Variants in ADARB2 observed in about 807,000 individuals in gnomAD.
ADARB2 encodes inactive double-stranded RNA-specific editase B2.
In ADARB2, 25 loss-of-function variants were observed where a neutral mutation model predicts 62.2. The observed-to-expected ratio is 0.40, with a 90% CI of 0.29 to 0.56. The LOEUF is 0.56. ADARB2 is among the 20% of genes least tolerant of loss of function. ADARB2 has a pLI of 0.43. For synonymous variants in ADARB2, 572 were observed against 500.8 expected (o/e 1.14, Z -1.90); for missense variants, 1,071 against 1,077.4 (o/e 0.99, Z 0.08).
At chr10:1,729,330 C>T (rs1007192327) in intron 1 of ADARB2, among the ~76,000 whole-genome samples, 5 of 152,104 alleles carry the variant, frequency 3.3e-5, no homozygotes, top group Admixed American at 2.0e-4. Flanking sequence ...CTTGTATATA[C>T]TTTACATTTC....
At position 1,332,476 on chromosome 10, in the gene ADARB2, G is replaced by GTTTTTTTTTT. The variant is rs759566790; in HGVS notation, c.1077+30551_1077+30552insAAAAAAAAAA. Among the ~76,000 whole-genome samples, 4 of 130,372 alleles carry GTTTTTTTTTT rather than the reference G, an allele frequency of 3.1e-5. 1 individual carries two copies. The highest frequency in any genetic ancestry group is 9.3e-5 in the African/African-American group (3 of 32,138). 85.5% of individuals were successfully genotyped at this position (130,372 alleles called of 152,430 possible). A position where few individuals can be genotyped will look rare whatever the true frequency, so the allele number is the denominator to read the frequency against. On this transcript the variant is annotated intron_variant, in intron 3 of 9. Coordinates refer to ENST00000381312, the MANE Select transcript of ADARB2 (RefSeq NM_018702.4). The stretch of plus-strand genomic sequence containing the variant: ...TAGATAGACTGGCTAACTAGCATCA[G>GTTTTTTTTTT]TTTTGTTTTTTTTTTTTTTGCCATC...
intron 7 of ADARB2, among the ~76,000 whole-genome samples, chr10:1,202,651 C>T (rs10903404): frequency 5.9e-5 from 9 of 152,052 alleles, no homozygotes; most frequent in Non-Finnish European, 1.3e-4. Flanking sequence ...GAAAGGACCC[C>T]GTGCAGGGCC....
intron 1 of ADARB2, among the ~76,000 whole-genome samples, chr10:1,603,111 C>G (rs1833446417): frequency 6.7e-6 from 1 of 148,616 alleles, no homozygotes; most frequent in South Asian, 2.1e-4. Flanking sequence ...ACACACACAC[C>G]TATACACACA....
chr10:1,488,724 C>T (rs1831583495), intron 1 of ADARB2, among the ~76,000 whole-genome samples: 1 of 152,232 alleles, frequency 6.6e-6, no homozygotes. Flanking sequence ...TGCATGTCTT[C>T]TCTGTGAATT....
intron 8 of ADARB2, among the ~76,000 whole-genome samples, chr10:1,192,114 G>A (rs1476700915): frequency 2.6e-5 from 4 of 152,360 alleles, no homozygotes; most frequent in Middle Eastern, 6.8e-3. Flanking sequence ...TTATGTAAGT[G>A]AGACGTTACA....
At chr10:1,242,720 A>G (rs1208785344) in intron 4 of ADARB2, among the ~76,000 whole-genome samples, 7 of 152,136 alleles carry the variant, frequency 4.6e-5, no homozygotes, top group African/African-American at 1.4e-4. Flanking sequence ...CTGTCCTCCA[A>G]CGGGATCAGG....
chr10:1,687,058 G>A (rs1188474449), intron 1 of ADARB2, among the ~76,000 whole-genome samples: 3 of 125,106 alleles, frequency 2.4e-5, no homozygotes, highest in East Asian at 2.4e-4. Context: ...GACAAGTCTC[G>A]CTCTGTCACC....
At chr10:1,730,396 C>G (rs10903554) in intron 1 of ADARB2, among the ~76,000 whole-genome samples, 47,426 of 152,080 alleles carry the variant, frequency 0.31, 8,146 homozygotes, top group East Asian at 0.62. Flanking sequence ...CACAGTGTGG[C>G]CCTCTTCCGC....
intron 1 of ADARB2, among the ~76,000 whole-genome samples, chr10:1,653,083 AG>A (rs1365514785): frequency 6.6e-6 from 1 of 152,198 alleles, no homozygotes; most frequent in African/African-American, 2.4e-5. Context: ...TCCCTGCAAA[AG>A]GGTGGCTGAT....
At chr10:1,711,724 T>C (rs1834950725) in intron 1 of ADARB2, among the ~76,000 whole-genome samples, 1 of 152,222 alleles carries the variant, frequency 6.6e-6, no homozygotes, top group Non-Finnish European at 1.5e-5. Flanking sequence ...TAAAGATTTA[T>C]TTCTCTTTCC....
chr10:1,545,412 C>T (rs371103844), intron 1 of ADARB2, among the ~76,000 whole-genome samples: 3 of 152,158 alleles, frequency 2.0e-5, no homozygotes, highest in South Asian at 2.1e-4. Context: ...CATAGATTCT[C>T]TGGGATATAA....
intron 1 of ADARB2, among the ~76,000 whole-genome samples, chr10:1,667,598 A>AG (rs1468144278): frequency 2.0e-5 from 3 of 152,208 alleles, no homozygotes; most frequent in Non-Finnish European, 4.4e-5. Context: ...GAATATTCAA[A>AG]GGGGTGTTTA....
chr10:1,330,246 T>A (rs1351513734), intron 3 of ADARB2, among the ~76,000 whole-genome samples: 2 of 152,084 alleles, frequency 1.3e-5, no homozygotes, highest in Admixed American at 6.5e-5. Context: ...TGTGAGCCTT[T>A]CCCGGCTTAG....
At chr10:1,417,131 T>C (rs1426269672) in intron 1 of ADARB2, among the ~76,000 whole-genome samples, 6 of 118,418 alleles carry the variant, frequency 5.1e-5, no homozygotes, top group African/African-American at 2.0e-4. Flanking sequence ...GATCAGATGG[T>C]GTGGAAGTAT....
chr10:1,695,269 C>T (rs549881733), intron 1 of ADARB2, among the ~76,000 whole-genome samples: 9 of 152,240 alleles, frequency 5.9e-5, no homozygotes, highest in South Asian at 2.1e-4. Flanking sequence ...GCAGAACCGA[C>T]CAGGCCCACC....
intron 8 of ADARB2, among the ~76,000 whole-genome samples, chr10:1,189,840 ACCTCCTTCCCCAGAACACGTGGCG>A (rs1836815434): frequency 2.4e-4 from 21 of 86,054 alleles, no homozygotes; most frequent in Non-Finnish European, 1.1e-4. Context: ...ACGTGGCGCT[ACCTCCTTCCCCAGAACACGTGGCG>A]CTACCTCCTT....
chr10:1,317,720 C>T (rs1483133021), intron 3 of ADARB2, among the ~76,000 whole-genome samples: 1 of 141,784 alleles, frequency 7.1e-6, no homozygotes, highest in Non-Finnish European at 1.5e-5. Context: ...CCCCAAAAGC[C>T]CATCAGCAGG....
intron 1 of ADARB2, among the ~76,000 whole-genome samples, chr10:1,431,539 G>T (rs1588255607): frequency 6.6e-6 from 1 of 152,038 alleles, no homozygotes; most frequent in South Asian, 2.1e-4. Flanking sequence ...AATGGTGCAA[G>T]TTTCTATTTT....
At position 1,341,752 on chromosome 10, in the gene ADARB2, A is replaced by G. The variant is rs191980278; in HGVS notation, c.1077+21276T>C. Among the ~76,000 whole-genome samples, 803 of 152,090 alleles carry G rather than the reference A, an allele frequency of 5.3e-3. 6 individuals carry two copies. Among genetic ancestry groups the G allele is most frequent in the African/African-American group, 0.018 (753 of 41,446 alleles). ...CCCACAGCGGCGATAACCAGCATCC[A>G]CCAGAGAACAAAGTGTCCCTCAGTG... is the stretch of plus-strand genomic sequence containing the variant. On this transcript the variant is annotated intron_variant, in intron 3 of 9. Coordinates refer to ENST00000381312, the MANE Select transcript of ADARB2 (RefSeq NM_018702.4).
Sources: allele counts gnomAD v4.1 joint callset (sites outside exome capture counted in the v4.1 genomes callset), GRCh38; gene constraint gnomAD v4.1.1; transcripts MANE v1.5; gene names NCBI Gene and HGNC (gene_info 2026-07-23, HGNC 2026-07-21).